Variants in SGCD observed in about 807,000 individuals in gnomAD.
SGCD encodes sarcoglycan delta.
SGCD carries 18 observed loss-of-function variants against 36.6 expected under a neutral mutation model. The observed-to-expected ratio is 0.49, with a 90% CI of 0.34 to 0.73. The LOEUF is 0.73. Ranked by LOEUF, SGCD falls within the 30% of genes least tolerant of loss-of-function variation. SGCD has a pLI of 0.01. For synonymous variants in SGCD, 133 were observed against 130.6 expected (o/e 1.02, Z -0.12); for missense variants, 387 against 346.7 (o/e 1.12, Z -0.92).
At chr5:156,560,092 G>C (rs2113237734) in intron 4 of SGCD, among the ~76,000 whole-genome samples, 1 of 152,242 alleles carries the variant, frequency 6.6e-6, no homozygotes, top group Middle Eastern at 3.4e-3. Flanking sequence ...TTATGAGCTT[G>C]TTTTATTTAT....
intron 7 of SGCD, among the ~76,000 whole-genome samples, chr5:156,745,737 TAGAAA>T (rs1756913538): frequency 6.6e-6 from 1 of 151,546 alleles, no homozygotes; most frequent in Admixed American, 6.6e-5. Flanking sequence ...AATAACACAT[TAGAAA>T]AGAAATGAAA....
At chr5:155,908,941 C>T (rs1294560917) in intron 1 of SGCD, among the ~76,000 whole-genome samples, 1 of 152,090 alleles carries the variant, frequency 6.6e-6, no homozygotes, top group East Asian at 1.9e-4. Flanking sequence ...GAATGGATAA[C>T]TTATTTTTTA....
intron 1 of SGCD, among the ~76,000 whole-genome samples, chr5:156,037,589 A>G (rs1309853980): frequency 6.6e-6 from 1 of 152,228 alleles, no homozygotes; most frequent in Non-Finnish European, 1.5e-5. Context: ...TTCCATCTTT[A>G]AAGATTCCAC....
the SGCD span, among the ~76,000 whole-genome samples, chr5:155,816,054 A>G: frequency 6.6e-6 from 1 of 152,302 alleles, no homozygotes; most frequent in Non-Finnish European, 1.5e-5. Context: ...TCAACTGAAA[A>G]TAGTGGTGGT....
At chr5:156,296,408 A>G (rs1766894491) in intron 3 of SGCD, among the ~76,000 whole-genome samples, 1 of 152,220 alleles carries the variant, frequency 6.6e-6, no homozygotes, top group Non-Finnish European at 1.5e-5. Context: ...GGAATTCACT[A>G]CATAAATTTA....
At chr5:155,742,896 A>G in the SGCD span, among the ~76,000 whole-genome samples, 1 of 152,208 alleles carries the variant, frequency 6.6e-6, no homozygotes, top group African/African-American at 2.4e-5. Context: ...AAAGAGGCTC[A>G]CAGAACTTAG....
intron 3 of SGCD, among the ~76,000 whole-genome samples, chr5:156,431,416 A>T (rs1017820466): frequency 3.9e-5 from 6 of 152,140 alleles, no homozygotes; most frequent in Middle Eastern, 3.2e-3. Flanking sequence ...CTGTAGGAGA[A>T]GCCCCAGCTT....
At chr5:156,223,023 T>C (rs1365751989) in intron 3 of SGCD, among the ~76,000 whole-genome samples, 2 of 152,130 alleles carry the variant, frequency 1.3e-5, no homozygotes, top group African/African-American at 2.4e-5. Context: ...ACTATTGAGA[T>C]GCATTTTTCT....
intron 1 of SGCD, among the ~76,000 whole-genome samples, chr5:156,113,754 G>C (rs866629123): frequency 6.6e-6 from 1 of 152,154 alleles, no homozygotes; most frequent in African/African-American, 2.4e-5. Context: ...AAACTGGAAG[G>C]AGCCAGCATG....
chr5:156,195,740 G>C (rs1168623532), intron 3 of SGCD, among the ~76,000 whole-genome samples: 1 of 152,170 alleles, frequency 6.6e-6, no homozygotes, highest in Admixed American at 6.6e-5. Flanking sequence ...TAGTCTGTTT[G>C]TGGTTCCCTG....
At chr5:155,753,983 G>A in the SGCD span, among the ~76,000 whole-genome samples, 639 of 151,882 alleles carry the variant, frequency 4.2e-3, 7 homozygotes, top group Non-Finnish European at 6.7e-3. Context: ...ATTCCATATC[G>A]TCTTGCACTG....
At chr5:155,985,693 G>A (rs1447083601) in intron 1 of SGCD, among the ~76,000 whole-genome samples, 3 of 152,162 alleles carry the variant, frequency 2.0e-5, no homozygotes, top group Non-Finnish European at 4.4e-5. Context: ...TTTGGTAGAT[G>A]GATTCCCTAG....
chr5:156,154,778 A>G (rs374488217), intron 3 of SGCD, among the ~76,000 whole-genome samples: 24 of 151,606 alleles, frequency 1.6e-4, no homozygotes, highest in African/African-American at 5.1e-4. Context: ...TGTGCCTCTC[A>G]ATAGATAACT....
chr5:156,286,421 C>A (rs768032843), intron 3 of SGCD, among the ~76,000 whole-genome samples: 29 of 152,208 alleles, frequency 1.9e-4, no homozygotes, highest in East Asian at 1.7e-3. Context: ...CTTGGAACCA[C>A]CCCAAATGTC....
At chr5:156,118,199 G>C (rs915491891) in intron 2 of SGCD, among the ~76,000 whole-genome samples, 25 of 152,208 alleles carry the variant, frequency 1.6e-4, no homozygotes, top group African/African-American at 6.0e-4. Context: ...GTGTGGGATA[G>C]CATGCTGCCC....
intron 3 of SGCD, among the ~76,000 whole-genome samples, chr5:156,371,075 C>G (rs2127739779): frequency 6.6e-6 from 1 of 152,128 alleles, no homozygotes; most frequent in Admixed American, 6.5e-5. Context: ...GCATGATTTT[C>G]CCTTATTTAG....
chr5:156,155,508 A>G (rs1561542693), intron 3 of SGCD, among the ~76,000 whole-genome samples: 1 of 151,326 alleles, frequency 6.6e-6, no homozygotes, highest in Non-Finnish European at 1.5e-5. Context: ...TTTTCAACCT[A>G]GCTATGTCTT....
chr5:156,536,144 C>CT (rs61056045), intron 4 of SGCD, among the ~76,000 whole-genome samples: 4,919 of 152,152 alleles, frequency 0.032, 275 homozygotes, highest in African/African-American at 0.11. Context: ...TCTACCACTA[C>CT]TTTTTGAGAT....
At chr5:156,673,233 A>G (rs1291816120) in intron 7 of SGCD, among the ~76,000 whole-genome samples, 1 of 152,250 alleles carries the variant, frequency 6.6e-6, no homozygotes, top group Admixed American at 6.5e-5. Flanking sequence ...ATGCCTAAGC[A>G]CATATTTATC....
Sources: gnomAD v4.1 joint callset for allele counts (sites outside exome capture counted in the v4.1 genomes callset) on GRCh38, gnomAD v4.1.1 for gene constraint, MANE v1.5 for transcripts, NCBI Gene and HGNC (gene_info 2026-07-23, HGNC 2026-07-21) for gene names.